Variants in MDGA2 observed in about 807,000 individuals in gnomAD.
MDGA2 encodes MAM domain-containing glycosylphosphatidylinositol anchor protein 2.
A neutral mutation model predicts 117.8 loss-of-function variants in MDGA2; 40 were observed. The observed-to-expected ratio is 0.34, with a 90% confidence interval of 0.26 to 0.44. The LOEUF (loss-of-function observed/expected upper bound fraction) is 0.44. Ranked by LOEUF, MDGA2 falls within the 20% of genes least tolerant of loss-of-function variation. The pLI is 1.00. For synonymous variants in MDGA2, 452 were observed against 439.0 expected (o/e 1.03, Z -0.37); for missense variants, 1,123 against 1,250.6 (o/e 0.90, Z 1.54).
intron 10 of MDGA2, among the ~76,000 whole-genome samples, chr14:46,895,607 T>G (rs1387769532): frequency 1.3e-5 from 2 of 152,012 alleles, no homozygotes; most frequent in Non-Finnish European, 2.9e-5. Flanking sequence ...GCGCCTGTAG[T>G]TCCAGCTACT....
rs1035360086 is a variant in MDGA2 at position 47,236,849 on chromosome 14, A to C, written c.421-18654T>G. 5.3e-5 allele frequency among the ~76,000 whole-genome samples: 8 copies of C among 152,328 alleles called. No individual in the cohort carries two copies. The East Asian group carries it at 1.5e-3, about 29-fold the overall frequency. ...AACTGGGCCATAAACTATAAAGAAA[A>C]GTCTCCATGAAAATGCACTCTAACT... On this transcript the variant is annotated intron_variant, in intron 2 of 16. Transcript: ENST00000399232.
chr14:47,138,420 T>G lies in MDGA2; in HGVS notation c.792+5658A>C, dbSNP rs143031192. On this transcript the variant is annotated intron_variant, in intron 4 of 16. Transcript: ENST00000399232. ...GGTATAATTACAATACACAAGATGA[T>G]GTCATGAACATCTTTACAAAAGTTC... is the stretch of plus-strand genomic sequence containing the variant. Among the ~76,000 whole-genome samples, 132 of 152,236 alleles carry G rather than the reference T, an allele frequency of 8.7e-4. 1 individual carries two copies. Among genetic ancestry groups the G allele is most frequent in the East Asian group, 8.1e-3 (42 of 5,182 alleles).
At chr14:47,097,586 C>T (rs1424120159) in intron 5 of MDGA2, among the ~76,000 whole-genome samples, 1 of 151,944 alleles carries the variant, frequency 6.6e-6, no homozygotes, top group African/African-American at 2.4e-5. Context: ...AATCTGAATA[C>T]AACCAAGTGA....
chr14:47,665,579 G>T (rs1897930953), intron 1 of MDGA2, among the ~76,000 whole-genome samples: 1 of 152,198 alleles, frequency 6.6e-6, no homozygotes, highest in Non-Finnish European at 1.5e-5. Context: ...TTGTGGGCCA[G>T]CTGGAGTTCC....
intron 1 of MDGA2, among the ~76,000 whole-genome samples, chr14:47,641,874 T>C (rs573486698): frequency 6.6e-6 from 1 of 152,024 alleles, no homozygotes; most frequent in Non-Finnish European, 1.5e-5. Flanking sequence ...ACTCATTTGA[T>C]AGGGAAGAGA....
intron 3 of MDGA2, among the ~76,000 whole-genome samples, chr14:47,195,261 A>C (rs1452303238): frequency 6.6e-6 from 1 of 152,056 alleles, no homozygotes; most frequent in African/African-American, 2.4e-5. Context: ...GATTTATTTA[A>C]CTAGCATGAA....
chr14:46,926,756 G>A (rs553256624), intron 9 of MDGA2, among the ~76,000 whole-genome samples: 24 of 152,068 alleles, frequency 1.6e-4, no homozygotes, highest in African/African-American at 5.3e-4. Context: ...TCAGGGAAAT[G>A]ATATAAATTT....
At chr14:46,945,869 G>C (rs1201192374) in intron 9 of MDGA2, among the ~76,000 whole-genome samples, 1 of 151,958 alleles carries the variant, frequency 6.6e-6, no homozygotes, top group Non-Finnish European at 1.5e-5. Context: ...GGCTCCATTA[G>C]TATTTTCCAG....
chr14:47,299,926 T>C (rs1026889925), intron 2 of MDGA2, among the ~76,000 whole-genome samples: 1 of 152,218 alleles, frequency 6.6e-6, no homozygotes, highest in Non-Finnish European at 1.5e-5. Context: ...ACATTTTTAA[T>C]AATTATTCTT....
chr14:47,116,336 C>T (rs1881329407), intron 5 of MDGA2, among the ~76,000 whole-genome samples: 1 of 151,976 alleles, frequency 6.6e-6, no homozygotes, highest in African/African-American at 2.4e-5. Context: ...GTCCATACTG[C>T]CCAAAGTGAC....
chr14:46,903,277 T>G (rs775687825), intron 10 of MDGA2, among the ~76,000 whole-genome samples: 19 of 152,218 alleles, frequency 1.2e-4, no homozygotes, highest in Non-Finnish European at 2.4e-4. Flanking sequence ...TCTGCAACAC[T>G]AATCTCCCTT....
chr14:47,559,985 A>T (rs1211035714), intron 1 of MDGA2, among the ~76,000 whole-genome samples: 5 of 152,118 alleles, frequency 3.3e-5, no homozygotes, highest in Non-Finnish European at 7.4e-5. Context: ...ATTGTTTTCC[A>T]CAATGGCTGA....
chr14:46,944,224 G>A (rs1018037670), intron 9 of MDGA2, among the ~76,000 whole-genome samples: 1 of 151,778 alleles, frequency 6.6e-6, no homozygotes, highest in African/African-American at 2.4e-5. Context: ...AATTTTTAAA[G>A]TATATTTTCA....
intron 3 of MDGA2, among the ~76,000 whole-genome samples, chr14:47,206,966 C>T (rs931658604): frequency 6.6e-6 from 1 of 151,976 alleles, no homozygotes; most frequent in Non-Finnish European, 1.5e-5. Context: ...GTCCACAAGT[C>T]TAAAGAAGGA....
At chr14:47,406,622 G>A (rs111690220) in intron 1 of MDGA2, among the ~76,000 whole-genome samples, 19 of 152,092 alleles carry the variant, frequency 1.2e-4, no homozygotes, top group African/African-American at 4.3e-4. Context: ...AATATTTAAA[G>A]TAGTAATTGG....
chr14:47,516,951 T>C (rs913929307), intron 1 of MDGA2, among the ~76,000 whole-genome samples: 13 of 152,112 alleles, frequency 8.5e-5, no homozygotes. Context: ...AAGTGGACAC[T>C]TTATTGATAA....
intron 9 of MDGA2, among the ~76,000 whole-genome samples, chr14:46,936,203 C>T (rs904490991): frequency 7.2e-5 from 11 of 152,090 alleles, no homozygotes; most frequent in African/African-American, 7.2e-5. Flanking sequence ...TCTACAATTT[C>T]GTTCTTGAAA....
At chr14:46,926,925 C>A (rs1028095119) in intron 9 of MDGA2, among the ~76,000 whole-genome samples, 1 of 152,002 alleles carries the variant, frequency 6.6e-6, no homozygotes, top group African/African-American at 2.4e-5. Context: ...AAAGTGATTG[C>A]GCATACTGCT....
At chr14:46,955,398 T>A (rs1267939702) in intron 9 of MDGA2, among the ~76,000 whole-genome samples, 2 of 152,054 alleles carry the variant, frequency 1.3e-5, no homozygotes, top group South Asian at 2.1e-4. Flanking sequence ...ACTTCACCAT[T>A]AAAATACGAG....
Sources: gnomAD v4.1 joint callset for allele counts (sites outside exome capture counted in the v4.1 genomes callset) on GRCh38, gnomAD v4.1.1 for gene constraint, MANE v1.5 for transcripts, NCBI Gene and HGNC (gene_info 2026-07-23, HGNC 2026-07-21) for gene names.